The following CHCHD7 variants were observed in gnomAD, a reference collection of about 807,000 sequenced individuals.
CHCHD7 encodes the protein coiled-coil-helix-coiled-coil-helix domain-containing protein 7.
Under a neutral mutation model 10.5 loss-of-function variants are expected in CHCHD7, and 7 were observed. That is an observed-to-expected ratio of 0.67 (90% CI 0.38 to 1.25). The LOEUF is 1.25. Ranked by LOEUF, CHCHD7 falls within the 50% of genes most tolerant of loss-of-function variation. The pLI is 0.02. For synonymous variants in CHCHD7, 40 were observed against 36.0 expected (o/e 1.11, Z -0.40); for missense variants, 100 against 104.5 (o/e 0.96, Z 0.19).
chr8:56,215,352 C>G (rs1183968796), intron 2 of CHCHD7: 3 of 152,178 alleles, frequency 2.0e-5, no homozygotes, highest in Non-Finnish European at 4.4e-5. Context: ...ACTGTCTACC[C>G]ATATAGCTAA....
Position 56,217,599 on chromosome 8 carries a change from C to T in CHCHD7, c.*164C>T. ...GTGTCCTTTTTGCTTGCTCTCAGTGCCATGCCGATGGTATGTTGCTGTTGG... is the reference window on the plus strand; with the variant it reads ...GTGTCCTTTTTGCTTGCTCTCAGTGTCATGCCGATGGTATGTTGCTGTTGG... On this transcript the variant is annotated 3_prime_UTR_variant, in exon 4 of 4. Transcript: ENST00000355315. 5.8e-6 allele frequency: 3 copies of T among 519,824 alleles called. No homozygotes were observed. Among genetic ancestry groups the T allele is most frequent in the Non-Finnish European group, 1.0e-5 (3 of 291,140 alleles). The allele number at this position is 519,824 out of a possible 1,614,324, so 32.2% of individuals were successfully genotyped here.
rs201041891 is a variant in CHCHD7, at chr8:56,217,350, G to A, written c.173G>A (p.Arg58Lys). 1.2e-5 allele frequency: 20 copies of A among 1,610,792 alleles called. No individual in the cohort carries two copies. In the Admixed American group the frequency reaches 3.3e-4, roughly 27 times the overall value. Reference protein sequence around the residue: ...RRFWNSIVMQRRKNGVKPFMP... With the variant: ...RRFWNSIVMQKRKNGVKPFMP... ...ACACAGAATTCTATCGTGATGCAGAGAAGAAAGAACGGAGTGAAGCCATTT... is the reference window on the plus strand; with the variant it reads ...ACACAGAATTCTATCGTGATGCAGAAAAGAAAGAACGGAGTGAAGCCATTT... The change falls in exon 4 of 4, where the codon AGA (arginine) becomes AAA (lysine). Residue 58 changes from arginine (R) to lysine (K), a missense_variant. Coordinates refer to ENST00000355315, the MANE Select transcript of CHCHD7 (RefSeq NM_001011671.3).
intron 3 of CHCHD7, 58 bp from the exon 4 acceptor site, chr8:56,217,273 G>A (rs1218381735): frequency 6.1e-6 from 6 of 983,092 alleles, no homozygotes; most frequent in African/African-American, 1.7e-5. Context: ...CAAATGATTA[G>A]CATTTAATAC....
intron 2 of CHCHD7, 173 bp from the exon 3 acceptor site, chr8:56,216,260 C>T: frequency 1.1e-6 from 1 of 931,868 alleles, no homozygotes; most frequent in Non-Finnish European, 1.6e-6. Flanking sequence ...GAGCAGAGTG[C>T]ATACTGGGAT....
intron 1 of CHCHD7, chr8:56,213,827 A>T (rs1000404031): frequency 4.6e-5 from 7 of 152,224 alleles, no homozygotes; most frequent in African/African-American, 7.2e-5. Context: ...ACTAAGCAAT[A>T]ACTTGGCTTT....
rs1434785605 is a variant in CHCHD7, at chr8:56,218,770, A to G, written c.*1335A>G. ...TTTAATGTCACTCCTTTGAAGGTACATACCAATATCAACATTCATCTTGTA... is the reference window on the plus strand; with the variant it reads ...TTTAATGTCACTCCTTTGAAGGTACGTACCAATATCAACATTCATCTTGTA... On this transcript the variant is annotated 3_prime_UTR_variant, in exon 4 of 4. Coordinates refer to ENST00000355315, the MANE Select transcript of CHCHD7 (RefSeq NM_001011671.3). 1 of 189,646 alleles carries G rather than the reference A, an allele frequency of 5.3e-6. No homozygotes were observed. Among genetic ancestry groups the G allele is most frequent in the African/African-American group, 2.3e-5 (1 of 42,904 alleles). The allele number at this position is 189,646 out of a possible 1,614,324, so 11.7% of individuals were successfully genotyped here. A position where few individuals can be genotyped will look rare whatever the true frequency, so the allele number is the denominator to read the frequency against.
At chr8:56,216,329 T>G (rs1813340080) in intron 2 of CHCHD7, 104 bp from the exon 3 acceptor site, 3 of 1,520,094 alleles carry the variant, frequency 2.0e-6, no homozygotes, top group Admixed American at 4.3e-5. Context: ...ACAAATGAAC[T>G]ATTTCACATT....
rs759976248 is a variant in CHCHD7 at position 56,217,446 on chromosome 8, T to G, written c.*11T>G. 7.0e-7 allele frequency: 1 copy of G among 1,420,144 alleles called. No individual in the cohort carries two copies. Among genetic ancestry groups the G allele is most frequent in the East Asian group, 2.3e-5 (1 of 43,910 alleles). 88.0% of individuals were successfully genotyped at this position (1,420,144 alleles called of 1,614,324 possible). ...AATATGCCCTATTGAATGTTTGCAT[T>G]AAAAGTGTTTATATAACTTAGAAGC... On this transcript the variant is annotated 3_prime_UTR_variant, in exon 4 of 4. Transcript: ENST00000355315.
rs1813471293 is a variant in CHCHD7 at position 56,218,180 on chromosome 8, A to G, written c.*745A>G. 3.1e-5 allele frequency: 7 copies of G among 228,074 alleles called. No individual in the cohort carries two copies. The South Asian group carries it at 7.3e-4, about 24-fold the overall frequency. 14.1% of individuals were successfully genotyped at this position (228,074 alleles called of 1,614,324 possible). A position where few individuals can be genotyped will look rare whatever the true frequency, so the allele number is the denominator to read the frequency against. ...GAACCACAGTAATGGGAAGAAAGAC[A>G]AATGGATTCCCTTAGAAGTAAGATT... On this transcript the variant is annotated 3_prime_UTR_variant, in exon 4 of 4. Coordinates refer to ENST00000355315, the MANE Select transcript of CHCHD7 (RefSeq NM_001011671.3).
chr8:56,214,324 G>A (rs768088852), intron 1 of CHCHD7: 22 of 236,454 alleles, frequency 9.3e-5, no homozygotes, highest in Non-Finnish European at 1.6e-4. Flanking sequence ...TCTCGCTCCA[G>A]CCTCCCAAAG....
chr8:56,216,899 T>C lies in CHCHD7; in HGVS notation c.153+368T>C, dbSNP rs977134335. 1.6e-5 allele frequency: 8 copies of C among 511,666 alleles called. No homozygotes were observed. The East Asian group carries it at 2.9e-4, about 19-fold the overall frequency. The allele number at this position is 511,666 out of a possible 1,614,324, so 31.7% of individuals were successfully genotyped here. On this transcript the variant is annotated intron_variant, in intron 3 of 3. Transcript: ENST00000355315. The stretch of plus-strand genomic sequence containing the variant: ...GCTTCAATTTCTGCCTTTTTCTCTC[T>C]CACTGCCATCCGTGGAAGTTAAAAT...
chr8:56,216,573 T>C (rs1329884526), intron 3 of CHCHD7, 42 bp downstream of exon 3: 1 of 1,610,250 alleles, frequency 6.2e-7, no homozygotes, highest in East Asian at 2.2e-5. Context: ...ACCCATCTCC[T>C]AGGGTTGAAA....
At chr8:56,212,556 C>G (rs941604858) in intron 1 of CHCHD7, 7 of 317,032 alleles carry the variant, frequency 2.2e-5, no homozygotes, top group Non-Finnish European at 5.8e-6. Context: ...TTAGAGTTAT[C>G]CCCTGAATGT....
chr8:56,214,521 C>G, intron 1 of CHCHD7, 77 bp from the exon 2 acceptor site: 2 of 1,052,752 alleles, frequency 1.9e-6, no homozygotes, highest in South Asian at 2.9e-5. Flanking sequence ...ATTTCAGGTA[C>G]TTTTAGTGCT....
chr8:56,218,284 T>C lies in CHCHD7; in HGVS notation c.*849T>C, dbSNP rs906832434. On this transcript the variant is annotated 3_prime_UTR_variant, in exon 4 of 4. Transcript: ENST00000355315. ...CTCAACACTGGGATGAGACTAGAAC[T>C]TCACTTTATGATATAAACACAATAC... The C allele has an allele frequency of 4.4e-6, 1 of 229,280 alleles. No homozygotes were observed. The highest frequency in any genetic ancestry group is 1.8e-4 in the South Asian group (1 of 5,512). The allele number at this position is 229,280 out of a possible 1,614,324, so 14.2% of individuals were successfully genotyped here.
chr8:56,212,418 G>T (rs1813054249), intron 1 of CHCHD7: 1 of 156,226 alleles, frequency 6.4e-6, no homozygotes, highest in Non-Finnish European at 1.4e-5. Context: ...GGGCGTGTGG[G>T]CATGAACGTG....
At position 56,218,573 on chromosome 8, in the gene CHCHD7, T is replaced by A. The variant is rs967791887; in HGVS notation, c.*1138T>A. The A allele has an allele frequency of 1.9e-5, 4 of 208,370 alleles. No individual in the cohort carries two copies. The highest frequency in any genetic ancestry group is 9.1e-5 in the African/African-American group (4 of 43,904). 12.9% of individuals were successfully genotyped at this position (208,370 alleles called of 1,614,324 possible). On this transcript the variant is annotated 3_prime_UTR_variant, in exon 4 of 4. Coordinates refer to ENST00000355315, the MANE Select transcript of CHCHD7 (RefSeq NM_001011671.3). ...AGGTTTCTAAGCCACATGACCTTGA[T>A]TGTTAAATGTAGTTATATTTGAATA...
At chr8:56,213,392 CTT>C (rs34969364) in intron 1 of CHCHD7, 14 of 143,276 alleles carry the variant, frequency 9.8e-5, no homozygotes, top group Non-Finnish European at 9.2e-5. Context: ...CTGGGTGTCT[CTT>C]TTTTTTTTTT....
At chr8:56,212,826 A>G (rs370375224) in intron 1 of CHCHD7, 54 of 1,566,544 alleles carry the variant, frequency 3.4e-5, no homozygotes, top group Non-Finnish European at 4.2e-5. Flanking sequence ...AGTGCCTTGT[A>G]TTTAGAATCC....
Sources: allele counts gnomAD v4.1 joint callset, GRCh38; gene constraint gnomAD v4.1.1; transcripts MANE v1.5; gene names NCBI Gene and HGNC (gene_info 2026-07-23, HGNC 2026-07-21).